The following PDIA4 variants were observed in gnomAD, a reference collection of about 807,000 sequenced individuals.
The protein encoded by PDIA4 is protein disulfide isomerase family A member 4, also known as protein disulfide-isomerase A4.
Under a neutral mutation model 62.1 loss-of-function variants are expected in PDIA4, and 33 were observed. The observed-to-expected ratio is 0.53, with a 90% confidence interval of 0.40 to 0.71. The LOEUF is 0.71. Among genes scored for constraint, PDIA4 ranks in the 30% least tolerant of loss-of-function variants. PDIA4 has a pLI of 0.00. For synonymous variants in PDIA4, 341 were observed against 324.1 expected, an observed-to-expected ratio of 1.05 and a Z score of -0.56; for missense variants, 804 against 813.6, an observed-to-expected ratio of 0.99 and a Z score of 0.14.
At chr7:149,005,475 A>G (rs1332294069) in intron 8 of PDIA4, 101 bp from the exon 9 acceptor site, 1 of 752,108 alleles carries the variant, frequency 1.3e-6, no homozygotes, top group Non-Finnish European at 2.3e-6. Context: ...TATTCTGACA[A>G]TGCTCAAACC....
intron 1 of PDIA4, among the ~76,000 whole-genome samples, chr7:149,024,157 G>A (rs1824454737): frequency 1.3e-5 from 2 of 152,100 alleles, no homozygotes; most frequent in Admixed American, 6.6e-5. Context: ...TGAGGCAGGA[G>A]AATTGCTTGA....
chr7:149,026,575 C>G (rs1414795061), intron 1 of PDIA4, among the ~76,000 whole-genome samples: 1 of 151,752 alleles, frequency 6.6e-6, no homozygotes, highest in African/African-American at 2.4e-5. Flanking sequence ...CACTTGAACT[C>G]GGGAAGCAGA....
In PDIA4 at chr7:149,023,958, G is replaced by T. The variant is rs184133206; in HGVS notation, c.89-2811C>A. 3.3e-5 allele frequency among the ~76,000 whole-genome samples: 5 copies of T among 152,288 alleles called. No homozygotes were observed. In the East Asian group the frequency reaches 7.7e-4, roughly 24 times the overall value. On this transcript the variant is annotated intron_variant, in intron 1 of 9. Coordinates refer to ENST00000652332, the MANE Select transcript of PDIA4 (RefSeq NM_004911.5). ...TCTTTCTTGACCCTTTTAAAAAAATGAATTTTGGCGAGACATGGTGGATCA... is the reference window on the plus strand; with the variant it reads ...TCTTTCTTGACCCTTTTAAAAAAATTAATTTTGGCGAGACATGGTGGATCA...
chr7:149,024,814 T>TAAA (rs539798193), intron 1 of PDIA4, among the ~76,000 whole-genome samples: 9 of 89,386 alleles, frequency 1.0e-4, no homozygotes, highest in East Asian at 6.3e-4. Flanking sequence ...GACTGTCATT[T>TAAA]AAAAAAAAAA....
chr7:149,006,848 G>A (rs550220759), intron 7 of PDIA4, among the ~76,000 whole-genome samples: 7 of 152,324 alleles, frequency 4.6e-5, no homozygotes, highest in South Asian at 4.1e-4. Flanking sequence ...ATGGCGCTGC[G>A]TGCACTTCAC....
At chr7:149,008,399 T>G in intron 6 of PDIA4, 89 bp from the exon 7 acceptor site, 2 of 1,384,998 alleles carry the variant, frequency 1.4e-6, no homozygotes, top group African/African-American at 1.4e-5. Context: ...AAAGCAAATG[T>G]TCTGAAAATG....
rs1008536339 is a variant in PDIA4 at position 149,020,881 on chromosome 7, C to T, written c.269+86G>A. On this transcript the variant is annotated intron_variant, in intron 2 of 9. Transcript: ENST00000652332. ...TGCACCCAGACACTCCTACCCCACC[C>T]CCCAAGGTCTGGATGACCGGGTGAA... is the stretch of plus-strand genomic sequence containing the variant. 5.3e-6 allele frequency: 8 copies of T among 1,521,534 alleles called. No homozygotes were observed. In the African/African-American group the frequency reaches 8.3e-5, roughly 16 times the overall value. The allele number at this position is 1,521,534 out of a possible 1,614,324, so 94.3% of individuals were successfully genotyped here. A position where few individuals can be genotyped will look rare whatever the true frequency, so the allele number is the denominator to read the frequency against.
intron 6 of PDIA4, among the ~76,000 whole-genome samples, chr7:149,010,158 G>A (rs926558289): frequency 2.4e-4 from 36 of 152,064 alleles, no homozygotes; most frequent in African/African-American, 7.2e-4. Context: ...TTAACCTTCC[G>A]AGCCACAGGC....
Position 149,028,410 on chromosome 7 carries a change from G to A in PDIA4, c.-2C>T. 2 of 1,500,280 alleles carry A rather than the reference G, an allele frequency of 1.3e-6. No individual in the cohort carries two copies. Among genetic ancestry groups the A allele is most frequent in the Non-Finnish European group, 1.8e-6 (2 of 1,124,736 alleles). 92.9% of individuals were successfully genotyped at this position (1,500,280 alleles called of 1,614,324 possible). On this transcript the variant is annotated 5_prime_UTR_variant, in exon 1 of 10. Coordinates refer to ENST00000652332, the MANE Select transcript of PDIA4 (RefSeq NM_004911.5). ...CAGGAAGGCTTTCCGGGGCCTCATGGTAGCGGGGGCGGAGCGCGGCCTCCT... is the reference window on the plus strand; with the variant it reads ...CAGGAAGGCTTTCCGGGGCCTCATGATAGCGGGGGCGGAGCGCGGCCTCCT...
chr7:149,007,183 G>C (rs911541713), intron 7 of PDIA4, among the ~76,000 whole-genome samples: 1 of 152,170 alleles, frequency 6.6e-6, no homozygotes. Context: ...CAGACCTTGA[G>C]AAAGAGGGAC....
intron 6 of PDIA4, 23 bp downstream of exon 6, chr7:149,011,823 C>A: frequency 4.0e-6 from 6 of 1,514,768 alleles, no homozygotes; most frequent in Non-Finnish European, 5.3e-6. Flanking sequence ...ACATTTTGTT[C>A]AGCCCAGAGG....
intron 4 of PDIA4, among the ~76,000 whole-genome samples, chr7:149,014,143 G>T (rs1824046187): frequency 6.6e-6 from 1 of 152,138 alleles, no homozygotes; most frequent in Admixed American, 6.5e-5. Flanking sequence ...CTCAGGTTTG[G>T]GCTTATCCAG....
intron 1 of PDIA4, among the ~76,000 whole-genome samples, chr7:149,021,732 C>G (rs945171937): frequency 2.6e-5 from 4 of 152,168 alleles, no homozygotes; most frequent in South Asian, 2.1e-4. Context: ...GAGGGCAGCA[C>G]AGACTACCCT....
chr7:149,022,673 G>A (rs958026189), intron 1 of PDIA4, among the ~76,000 whole-genome samples: 2 of 152,108 alleles, frequency 1.3e-5, no homozygotes, highest in South Asian at 2.1e-4. Flanking sequence ...AACTCCTGGG[G>A]CTCACCAACC....
At chr7:149,024,578 G>T (rs1824472005) in intron 1 of PDIA4, among the ~76,000 whole-genome samples, 1 of 152,044 alleles carries the variant, frequency 6.6e-6, no homozygotes, top group Non-Finnish European at 1.5e-5. Context: ...CCTCTGGGAG[G>T]CTGAGACGGG....
chr7:149,011,961 C>T lies in PDIA4; in HGVS notation c.864G>A (p.Lys288=), dbSNP rs2129504552. 1 of 1,608,890 alleles carries T rather than the reference C, an allele frequency of 6.2e-7. No homozygotes were observed. The highest frequency in any genetic ancestry group is 2.2e-5 in the East Asian group (1 of 44,814). The part of the protein sequence containing the change: ...YMIEQSGPPS[K]EILTLKQVQE... ...GGACCTGCTTCAGGGTCAGAATCTCCTTGGAGGGAGGCCCGGACTGCTCGA... is the reference window on the plus strand; with the variant it reads ...GGACCTGCTTCAGGGTCAGAATCTCTTTGGAGGGAGGCCCGGACTGCTCGA... The change falls in exon 6 of 10, where the codon AAG becomes AAA. Residue 288 remains lysine, a synonymous_variant. Coordinates refer to ENST00000652332, the MANE Select transcript of PDIA4 (RefSeq NM_004911.5).
intron 6 of PDIA4, among the ~76,000 whole-genome samples, chr7:149,008,977 G>T (rs942524149): frequency 6.6e-6 from 1 of 152,136 alleles, no homozygotes; most frequent in Non-Finnish European, 1.5e-5. Flanking sequence ...CCAGGCTGGA[G>T]TGAAGTGGCG....
chr7:149,028,335 T>G lies in PDIA4; in HGVS notation c.74A>C (p.Glu25Ala). The G allele has an allele frequency of 6.6e-7, 1 of 1,522,100 alleles. No homozygotes were observed. The highest frequency in any genetic ancestry group is 1.2e-5 in the South Asian group (1 of 82,016). 94.3% of individuals were successfully genotyped at this position (1,522,100 alleles called of 1,614,324 possible). ...TTGCCGCTCACCCTCGTCCGGGCCC[T>G]CGGCACCCGCCACGGCCAGCAGCTG... ...LVQLLAVAGA[E>A]GPDEDSSNRE... is the part of the protein sequence containing the mutation. Residue 25 changes from glutamate (E) to alanine (A), a missense_variant, in exon 1 of 10, where the codon GAG becomes GCG. By Grantham distance (107) the Glu-to-Ala change is moderately radical (BLOSUM62 -1). Transcript: ENST00000652332.
At position 149,011,988 on chromosome 7, in the gene PDIA4, C is replaced by G. The variant is rs1423260950; in HGVS notation, c.837G>C (p.Met279Ile). The change falls in exon 6 of 10, where the codon ATG becomes ATC. Residue 279 changes from methionine to isoleucine, a missense_variant. By Grantham distance (10) the Met-to-Ile change is conservative (BLOSUM62 1). Coordinates refer to ENST00000652332, the MANE Select transcript of PDIA4 (RefSeq NM_004911.5). ...TGGAGGGAGGCCCGGACTGCTCGATCATGTAATCAACGATTCCTGGGAGCA... is the reference window on the plus strand; with the variant it reads ...TGGAGGGAGGCCCGGACTGCTCGATGATGTAATCAACGATTCCTGGGAGCA... ...PREKYGIVDY[M>I]IEQSGPPSKE... The G allele has an allele frequency of 2.5e-6, 4 of 1,594,566 alleles. No homozygotes were observed.
Sources: allele counts gnomAD v4.1 joint callset (sites outside exome capture counted in the v4.1 genomes callset), GRCh38; gene constraint gnomAD v4.1.1; transcripts MANE v1.5; gene names NCBI Gene and HGNC (gene_info 2026-07-23, HGNC 2026-07-21).